CDH12: variants seen among roughly 807,000 people sequenced by gnomAD.
The protein encoded by CDH12 is cadherin 12, also known as cadherin-12.
Under a neutral mutation model 74.1 loss-of-function variants are expected in CDH12, and 41 were observed. That is an observed-to-expected ratio of 0.55 (90% CI 0.43 to 0.72). The LOEUF (loss-of-function observed/expected upper bound fraction) is 0.72. CDH12 is among the 30% of genes least tolerant of loss of function. CDH12 has a pLI of 0.00. For missense variants in CDH12, 945 were observed against 977.2 expected (o/e 0.97, Z 0.44); for synonymous variants, 399 against 355.0 (o/e 1.12, Z -1.39).
chr5:21,992,145 C>T (rs1357176703), intron 5 of CDH12, among the ~76,000 whole-genome samples: 1 of 151,404 alleles, frequency 6.6e-6, no homozygotes, highest in Non-Finnish European at 1.5e-5. Context: ...ACTTATTTCC[C>T]AATAGGTTAA....
Position 21,833,212 on chromosome 5 carries a change from ATATAT to A in CDH12, c.814+8944_814+8948del, listed in dbSNP as rs1222653823. ...TAACATATAATATATATATTATAAT[ATATAT>A]TATATGTTATATAACATATAATATA... On this transcript the variant is annotated intron_variant, in intron 8 of 14. Transcript: ENST00000382254. Among the ~76,000 whole-genome samples the A allele has an allele frequency of 8.6e-5, 4 of 46,284 alleles. No homozygotes were observed. The South Asian group carries it at 3.0e-3, about 34-fold the overall frequency. 30.4% of individuals were successfully genotyped at this position (46,284 alleles called of 152,430 possible).
chr5:21,900,706 C>T (rs974433244), intron 6 of CDH12, among the ~76,000 whole-genome samples: 6 of 152,074 alleles, frequency 3.9e-5, no homozygotes, highest in African/African-American at 1.4e-4. Context: ...AAAATCGGTC[C>T]CCGACTCCGC....
intron 9 of CDH12, among the ~76,000 whole-genome samples, chr5:21,805,989 A>C (rs1360659132): frequency 1.3e-5 from 2 of 152,140 alleles, no homozygotes; most frequent in South Asian, 4.1e-4. Flanking sequence ...GGTTGTTTCT[A>C]TAAGGGAAGA....
chr5:22,834,939 G>A (rs961072919), intron 1 of CDH12, among the ~76,000 whole-genome samples: 3 of 151,994 alleles, frequency 2.0e-5, no homozygotes, highest in African/African-American at 4.8e-5. Context: ...GATCAAAAGA[G>A]GGGGAGATAA....
chr5:22,679,845 CAAAG>C (rs1266946037), intron 1 of CDH12, among the ~76,000 whole-genome samples: 1 of 152,052 alleles, frequency 6.6e-6, no homozygotes. Flanking sequence ...AGAAATAGAA[CAAAG>C]AGACTCTTTC....
chr5:22,247,248 A>G (rs1561252901), intron 3 of CDH12, among the ~76,000 whole-genome samples: 1 of 152,222 alleles, frequency 6.6e-6, no homozygotes, highest in Non-Finnish European at 1.5e-5. Context: ...TATCCAGTAA[A>G]TACACAGTTA....
At chr5:22,083,182 TA>T (rs1048730134) in intron 4 of CDH12, among the ~76,000 whole-genome samples, 4 of 152,192 alleles carry the variant, frequency 2.6e-5, no homozygotes, top group Non-Finnish European at 5.9e-5. Context: ...ATTAAAAACA[TA>T]AAACTTTCTC....
At chr5:21,910,669 G>C (rs558455325) in intron 6 of CDH12, among the ~76,000 whole-genome samples, 1 of 113,906 alleles carries the variant, frequency 8.8e-6, no homozygotes, top group African/African-American at 2.8e-5. Context: ...AGAAAGGTAG[G>C]ATTTATCTTT....
intron 3 of CDH12, among the ~76,000 whole-genome samples, chr5:22,250,543 A>G (rs6871980): frequency 0.094 from 14,281 of 152,250 alleles, 703 homozygotes; most frequent in South Asian, 0.16. Context: ...GTGGGTCACT[A>G]AATCCAATCT....
intron 1 of CDH12, among the ~76,000 whole-genome samples, chr5:22,718,008 G>A (rs182758929): frequency 1.2e-3 from 180 of 152,164 alleles, no homozygotes; most frequent in Admixed American, 5.0e-3. Context: ...AGTACAGCCC[G>A]AGAATCAGCT....
At chr5:22,428,267 T>C (rs1269548583) in intron 2 of CDH12, among the ~76,000 whole-genome samples, 3 of 152,136 alleles carry the variant, frequency 2.0e-5, no homozygotes, top group African/African-American at 4.8e-5. Flanking sequence ...TATGTATATA[T>C]AGATATCATA....
At chr5:22,263,933 T>C (rs2150395684) in intron 3 of CDH12, among the ~76,000 whole-genome samples, 1 of 152,176 alleles carries the variant, frequency 6.6e-6, no homozygotes, top group Middle Eastern at 3.4e-3. Context: ...TTCACAACTA[T>C]GCTAGATATT....
intron 1 of CDH12, among the ~76,000 whole-genome samples, chr5:22,591,592 A>T (rs1264003129): frequency 6.6e-6 from 1 of 152,036 alleles, no homozygotes; most frequent in Non-Finnish European, 1.5e-5. Flanking sequence ...TTATTTTCCA[A>T]CTTCCAAAAT....
At chr5:22,515,879 T>C (rs1206080952) in intron 1 of CDH12, among the ~76,000 whole-genome samples, 2 of 152,110 alleles carry the variant, frequency 1.3e-5, no homozygotes, top group Non-Finnish European at 2.9e-5. Flanking sequence ...ATTCTACCCA[T>C]ACAAAGACAG....
chr5:22,275,221 C>T (rs767756362), intron 3 of CDH12, among the ~76,000 whole-genome samples: 2 of 151,782 alleles, frequency 1.3e-5, no homozygotes, highest in Non-Finnish European at 2.9e-5. Flanking sequence ...TGCAGCAAAC[C>T]ACCATGGCAC....
At chr5:22,193,989 A>G (rs1750455167) in intron 4 of CDH12, among the ~76,000 whole-genome samples, 1 of 152,198 alleles carries the variant, frequency 6.6e-6, no homozygotes, top group African/African-American at 2.4e-5. Flanking sequence ...AGTGGACATT[A>G]TCATAGCCAA....
chr5:22,021,874 G>A (rs1038737223), intron 5 of CDH12, among the ~76,000 whole-genome samples: 1 of 152,190 alleles, frequency 6.6e-6, no homozygotes, highest in Non-Finnish European at 1.5e-5. Flanking sequence ...GGCTTGCTCT[G>A]TCACCCACGC....
At chr5:22,227,925 T>C (rs1167902054) in intron 3 of CDH12, among the ~76,000 whole-genome samples, 1 of 152,136 alleles carries the variant, frequency 6.6e-6, no homozygotes, top group South Asian at 2.1e-4. Flanking sequence ...AGGATGGAGC[T>C]CACGTTCATC....
chr5:22,516,781 C>G (rs4320220), intron 1 of CDH12, among the ~76,000 whole-genome samples: 1 of 151,500 alleles, frequency 6.6e-6, no homozygotes, highest in Non-Finnish European at 1.5e-5. Context: ...AGGGACAGAG[C>G]GAGACCTTGT....
Sources: gnomAD v4.1 joint callset for allele counts (sites outside exome capture counted in the v4.1 genomes callset) on GRCh38, gnomAD v4.1.1 for gene constraint, MANE v1.5 for transcripts, NCBI Gene and HGNC (gene_info 2026-07-23, HGNC 2026-07-21) for gene names.